Variants in NXPH1 observed in about 807,000 individuals in gnomAD.
NXPH1 encodes the protein neurexophilin-1.
NXPH1 carries 5 observed loss-of-function variants against 23.7 expected under a neutral mutation model. The observed-to-expected ratio is 0.21, with a 90% CI of 0.11 to 0.44. NXPH1 has a LOEUF of 0.44. Ranked by LOEUF, NXPH1 falls within the 20% of genes least tolerant of loss-of-function variation. The pLI is 0.99. For synonymous variants in NXPH1, 144 were observed against 122.2 expected (o/e 1.18, Z -1.18); for missense variants, 324 against 321.6 (o/e 1.01, Z -0.06).
intron 2 of NXPH1, among the ~76,000 whole-genome samples, chr7:8,540,593 A>G (rs1818099509): frequency 1.3e-5 from 2 of 151,740 alleles, no homozygotes; most frequent in Admixed American, 1.3e-4. Context: ...GGATTCACAT[A>G]CAAAAAAAGA....
intron 2 of NXPH1, among the ~76,000 whole-genome samples, chr7:8,529,639 AATTATATTAAGCT>A (rs1817921267): frequency 6.6e-6 from 1 of 152,192 alleles, no homozygotes; most frequent in Non-Finnish European, 1.5e-5. Context: ...CAAATTATTT[AATTATATTAAGCT>A]TAAATTTTCC....
chr7:8,487,410 G>A (rs1004518768), intron 2 of NXPH1, among the ~76,000 whole-genome samples: 48 of 152,108 alleles, frequency 3.2e-4, no homozygotes, highest in African/African-American at 1.1e-3. Context: ...ATGTGACTTT[G>A]CTCCTCATTT....
intron 2 of NXPH1, among the ~76,000 whole-genome samples, chr7:8,602,366 C>A (rs1440553669): frequency 6.6e-6 from 1 of 152,064 alleles, no homozygotes; most frequent in Non-Finnish European, 1.5e-5. Context: ...GTCTCCCTGG[C>A]CTGTTTTTAA....
rs570939273 is a variant in NXPH1 at position 8,750,819 on chromosome 7, A to G, written c.55-189A>G. Among the ~76,000 whole-genome samples, 80 of 152,204 alleles carry G rather than the reference A, an allele frequency of 5.3e-4. 1 individual carries two copies. The South Asian group carries it at 0.016, about 31-fold the overall frequency. On this transcript the variant is annotated intron_variant, in intron 2 of 2. Coordinates refer to ENST00000405863, the MANE Select transcript of NXPH1 (RefSeq NM_152745.3). ...GATGCTGATGGTGCTTTTAAAACGT[A>G]ATTATTTAATTCTGAGACTCTGGGA...
chr7:8,537,934 G>A (rs371618420), intron 2 of NXPH1, among the ~76,000 whole-genome samples: 18 of 151,940 alleles, frequency 1.2e-4, no homozygotes, highest in African/African-American at 3.4e-4. Flanking sequence ...CAACTCACTC[G>A]TGTGAAAGGC....
intron 2 of NXPH1, among the ~76,000 whole-genome samples, chr7:8,504,272 C>T (rs765751123): frequency 6.6e-6 from 1 of 151,974 alleles, no homozygotes. Flanking sequence ...ATTATTAGAT[C>T]ACAAATTCCT....
intron 2 of NXPH1, among the ~76,000 whole-genome samples, chr7:8,446,097 A>T (rs1316716125): frequency 6.6e-6 from 1 of 152,238 alleles, no homozygotes; most frequent in Non-Finnish European, 1.5e-5. Flanking sequence ...AAGCCCTTGT[A>T]AAATATTGCA....
chr7:8,740,439 G>A (rs1290731467), intron 2 of NXPH1, among the ~76,000 whole-genome samples: 3 of 152,134 alleles, frequency 2.0e-5, no homozygotes, highest in Non-Finnish European at 4.4e-5. Context: ...CAATGAGTTA[G>A]GTATTATCTA....
At chr7:8,582,643 T>C (rs1442622354) in intron 2 of NXPH1, among the ~76,000 whole-genome samples, 1 of 152,020 alleles carries the variant, frequency 6.6e-6, no homozygotes, top group Non-Finnish European at 1.5e-5. Context: ...ACTGTGTGAG[T>C]CTGGCTGTGT....
intron 2 of NXPH1, among the ~76,000 whole-genome samples, chr7:8,704,655 A>G (rs1779675481): frequency 6.6e-6 from 1 of 152,116 alleles, no homozygotes; most frequent in Non-Finnish European, 1.5e-5. Context: ...AGCATGGAGC[A>G]TTTTTATTAT....
chr7:8,707,507 CTCAG>C (rs963751703), intron 2 of NXPH1, among the ~76,000 whole-genome samples: 1 of 152,042 alleles, frequency 6.6e-6, no homozygotes, highest in African/African-American at 2.4e-5. Flanking sequence ...ATTGTTGGTT[CTCAG>C]TATGTATTAA....
intron 2 of NXPH1, among the ~76,000 whole-genome samples, chr7:8,729,234 T>A (rs1008915975): frequency 6.6e-6 from 1 of 150,852 alleles, no homozygotes; most frequent in Admixed American, 6.6e-5. Flanking sequence ...CTCTCTTTTT[T>A]TCTTTCTTAG....
intron 2 of NXPH1, among the ~76,000 whole-genome samples, chr7:8,717,538 A>T (rs561893320): frequency 3.3e-5 from 5 of 152,306 alleles, no homozygotes; most frequent in African/African-American, 1.2e-4. Flanking sequence ...ACTTTGAAAC[A>T]TTAGTTAAAG....
At chr7:8,489,169 G>A (rs919858449) in intron 2 of NXPH1, among the ~76,000 whole-genome samples, 12 of 152,134 alleles carry the variant, frequency 7.9e-5, no homozygotes, top group Middle Eastern at 3.4e-3. Context: ...TAACAGCAAC[G>A]TCTGTCCCCA....
chr7:8,534,389 A>C (rs928799165), intron 2 of NXPH1, among the ~76,000 whole-genome samples: 1 of 152,160 alleles, frequency 6.6e-6, no homozygotes, highest in Non-Finnish European at 1.5e-5. Flanking sequence ...TACTAGGTTG[A>C]AAACGTTTGG....
chr7:8,730,492 C>G (rs1158547026), intron 2 of NXPH1, among the ~76,000 whole-genome samples: 1 of 152,070 alleles, frequency 6.6e-6, no homozygotes, highest in East Asian at 1.9e-4. Context: ...TTGTTCCTTT[C>G]CATGTTTAGC....
intron 2 of NXPH1, among the ~76,000 whole-genome samples, chr7:8,732,736 A>G (rs187524197): frequency 6.6e-6 from 1 of 151,762 alleles, no homozygotes; most frequent in Non-Finnish European, 1.5e-5. Context: ...AATATAAGCT[A>G]TTTTTTTCTG....
At chr7:8,679,978 G>A (rs1025120689) in intron 2 of NXPH1, among the ~76,000 whole-genome samples, 1 of 152,256 alleles carries the variant, frequency 6.6e-6, no homozygotes, top group South Asian at 2.1e-4. Flanking sequence ...CAGAGATTGT[G>A]CCATTGCACT....
chr7:8,593,856 A>T (rs1819157782), intron 2 of NXPH1, among the ~76,000 whole-genome samples: 1 of 152,094 alleles, frequency 6.6e-6, no homozygotes, highest in African/African-American at 2.4e-5. Context: ...GAAGATCCAA[A>T]ATGTACCTTG....
Sources: allele counts gnomAD v4.1 joint callset (sites outside exome capture counted in the v4.1 genomes callset), GRCh38; gene constraint gnomAD v4.1.1; transcripts MANE v1.5; gene names NCBI Gene and HGNC (gene_info 2026-07-23, HGNC 2026-07-21).